Variants in FAF1 observed in about 807,000 individuals in gnomAD.
FAF1 encodes Fas associated factor 1.
FAF1 carries 25 observed loss-of-function variants against 92.5 expected under a neutral mutation model. The observed-to-expected ratio is 0.27, with a 90% CI of 0.20 to 0.38. The LOEUF (loss-of-function observed/expected upper bound fraction) is 0.38. Among genes scored for constraint, FAF1 ranks in the 10% least tolerant of loss-of-function variants. The pLI is 1.00. For missense variants in FAF1, 636 were observed against 793.3 expected, an observed-to-expected ratio of 0.80 and a Z score of 2.38; for synonymous variants, 234 against 273.2, an observed-to-expected ratio of 0.86 and a Z score of 1.42.
Position 50,567,303 on chromosome 1 carries a change from ATAAT to A in FAF1, c.1114-76_1114-73del. ...AAGATTTCTTAAATTTTAGAGAGGC[ATAAT>A]TAGTCTATATGAACAGCAAAGACAA... On this transcript the variant is annotated intron_variant, in intron 12 of 18. Coordinates refer to ENST00000396153, the MANE Select transcript of FAF1 (RefSeq NM_007051.3). 2.6e-6 allele frequency: 3 copies of A among 1,171,348 alleles called. No homozygotes were observed. The South Asian group carries it at 4.9e-5, about 19-fold the overall frequency. The allele number at this position is 1,171,348 out of a possible 1,614,324, so 72.6% of individuals were successfully genotyped here.
rs148878546 is a variant in FAF1, at chr1:50,662,046, C to T, written c.658-6518G>A. ...TAATTAGCAAGCTTTTTTTTTCTTC[C>T]CCCTTCCCCCAGGGCTGGCCTGTGT... On this transcript the variant is annotated intron_variant, in intron 7 of 18. Transcript: ENST00000396153. 4.0e-3 allele frequency among the ~76,000 whole-genome samples: 614 copies of T among 151,966 alleles called. 3 individuals carry two copies. Among genetic ancestry groups the T allele is most frequent in the African/African-American group, 0.014 (585 of 41,454 alleles).
chr1:50,749,241 G>C (rs34480629), intron 4 of FAF1, among the ~76,000 whole-genome samples: 4,671 of 152,266 alleles, frequency 0.031, 110 homozygotes, highest in Middle Eastern at 0.075. Context: ...GCATTTGCAA[G>C]TCTGTCCAGT....
intron 7 of FAF1, among the ~76,000 whole-genome samples, chr1:50,663,093 C>A (rs1274829807): frequency 4.0e-5 from 6 of 151,548 alleles, no homozygotes; most frequent in Admixed American, 3.9e-4. Flanking sequence ...AAAAGCTAAA[C>A]ATATTTCACA....
At chr1:50,600,773 G>C (rs1168243592) in intron 8 of FAF1, among the ~76,000 whole-genome samples, 1 of 152,114 alleles carries the variant, frequency 6.6e-6, no homozygotes, top group Non-Finnish European at 1.5e-5. Flanking sequence ...TATTAAGACA[G>C]ACATTAAAGA....
At chr1:50,823,002 G>A (rs1020144229) in intron 2 of FAF1, among the ~76,000 whole-genome samples, 4 of 152,046 alleles carry the variant, frequency 2.6e-5, no homozygotes, top group South Asian at 2.1e-4. Context: ...TCCAACTTCC[G>A]ACCTCAGGTG....
At chr1:50,744,960 G>A (rs1659528817) in intron 4 of FAF1, among the ~76,000 whole-genome samples, 185 bp from the exon 5 acceptor site, 1 of 152,116 alleles carries the variant, frequency 6.6e-6, no homozygotes, top group East Asian at 1.9e-4. Flanking sequence ...AGGATCTGAG[G>A]ATGACAAAAG....
At chr1:50,488,513 C>A (rs536449031) in intron 17 of FAF1, among the ~76,000 whole-genome samples, 1 of 152,064 alleles carries the variant, frequency 6.6e-6, no homozygotes, top group Admixed American at 6.5e-5. Flanking sequence ...CATGTGTGAA[C>A]GACAGCATAA....
intron 1 of FAF1, among the ~76,000 whole-genome samples, chr1:50,940,302 T>G (rs534061274): frequency 1.3e-5 from 2 of 152,244 alleles, no homozygotes. Context: ...CCAGTCAGCA[T>G]TGGCAGAGTA....
chr1:50,611,148 T>C (rs1288627323), intron 8 of FAF1, among the ~76,000 whole-genome samples: 1 of 152,226 alleles, frequency 6.6e-6, no homozygotes, highest in East Asian at 1.9e-4. Context: ...GCTGGAGTAT[T>C]TGATTCACTT....
intron 6 of FAF1, among the ~76,000 whole-genome samples, chr1:50,724,739 G>A (rs1265127788): frequency 6.6e-6 from 1 of 152,198 alleles, no homozygotes; most frequent in Non-Finnish European, 1.5e-5. Context: ...TACATACCAC[G>A]TTAGATTTCA....
chr1:50,886,766 T>A (rs1277976125), intron 1 of FAF1, among the ~76,000 whole-genome samples: 2 of 152,216 alleles, frequency 1.3e-5, no homozygotes, highest in Non-Finnish European at 2.9e-5. Flanking sequence ...ATTTTCTTAA[T>A]CCAGTCTATC....
At chr1:50,610,534 C>G (rs967599726) in intron 8 of FAF1, among the ~76,000 whole-genome samples, 3 of 152,136 alleles carry the variant, frequency 2.0e-5, no homozygotes, top group African/African-American at 7.2e-5. Flanking sequence ...ATGAAAATAT[C>G]TCTTGAAAGG....
chr1:50,583,356 C>A lies in FAF1; in HGVS notation c.1031+296G>T, dbSNP rs924309521. Among the ~76,000 whole-genome samples, 4 of 151,628 alleles carry A rather than the reference C, an allele frequency of 2.6e-5. No individual in the cohort carries two copies. The highest frequency in any genetic ancestry group is 5.9e-5 in the Non-Finnish European group (4 of 67,792). ...TTCCATTTGACTGTCCTAAGATATA[C>A]TAAAAATTACTATCCTATATCCTAG... is the stretch of plus-strand genomic sequence containing the variant. On this transcript the variant is annotated intron_variant, in intron 11 of 18. Coordinates refer to ENST00000396153, the MANE Select transcript of FAF1 (RefSeq NM_007051.3). This position sits in a 1 kb window ranked among gnomAD's most constrained non-coding sequence, Gnocchi z 4.2.
rs1001522612 is a variant in FAF1 at position 50,582,702 on chromosome 1, A to G, written c.1032-3T>C. On this transcript the variant is annotated splice_polypyrimidine_tract_variant and splice_region_variant and intron_variant, in intron 11 of 18. Coordinates refer to ENST00000396153, the MANE Select transcript of FAF1 (RefSeq NM_007051.3). Reference sequence around the variant, plus strand: ...ATACAGGATGGCAATCACCATATCTATAGGAAAAAGTGAGTCTATTAATTA... The same window carrying G: ...ATACAGGATGGCAATCACCATATCTGTAGGAAAAAGTGAGTCTATTAATTA... 2 of 1,588,434 alleles carry G rather than the reference A, an allele frequency of 1.3e-6. No individual in the cohort carries two copies. The highest frequency in any genetic ancestry group is 2.7e-5 in the African/African-American group (2 of 74,550).
intron 13 of FAF1, among the ~76,000 whole-genome samples, chr1:50,544,582 C>T (rs1648919420): frequency 2.0e-5 from 3 of 152,170 alleles, no homozygotes; most frequent in Admixed American, 2.0e-4. Context: ...GCAATGATAG[C>T]TTCACTGGAC....
intron 18 of FAF1, chr1:50,451,776 G>T: frequency 1.1e-6 from 1 of 910,458 alleles, no homozygotes. Context: ...AAAGCCCAGT[G>T]AGTGGAAAGA....
intron 6 of FAF1, among the ~76,000 whole-genome samples, chr1:50,723,422 G>A (rs1440707550): frequency 6.6e-6 from 1 of 151,892 alleles, no homozygotes; most frequent in African/African-American, 2.4e-5. Context: ...AAATAAGTAG[G>A]ATGAGAACTA....
At chr1:50,572,654 C>T in intron 12 of FAF1, among the ~76,000 whole-genome samples, 1 of 152,158 alleles carries the variant, frequency 6.6e-6, no homozygotes, top group Non-Finnish European at 1.5e-5. Context: ...TGCCATTGCC[C>T]TGCTATGTGA....
At chr1:50,516,383 G>A (rs1557977478) in intron 15 of FAF1, among the ~76,000 whole-genome samples, 1 of 152,130 alleles carries the variant, frequency 6.6e-6, no homozygotes, top group East Asian at 1.9e-4. Context: ...TTCAGGTACT[G>A]AGTTTTCATT....
Sources: allele counts gnomAD v4.1 joint callset (sites outside exome capture counted in the v4.1 genomes callset), GRCh38; gene constraint gnomAD v4.1.1; non-coding constraint Gnocchi (gnomAD v3.1); transcripts MANE v1.5; gene names NCBI Gene and HGNC (gene_info 2026-07-23, HGNC 2026-07-21).